Variants in SCUBE1 observed in about 807,000 individuals in gnomAD.
SCUBE1 encodes the protein signal peptide, CUB and EGF-like domain-containing protein 1.
In SCUBE1, 59 loss-of-function variants were observed where a neutral mutation model predicts 124.4. That is an observed-to-expected ratio of 0.47 (90% CI 0.38 to 0.59). SCUBE1 has a LOEUF of 0.59. Among genes scored for constraint, SCUBE1 ranks in the 20% least tolerant of loss-of-function variants. The pLI, the probability that SCUBE1 is intolerant of heterozygous loss-of-function variation, is 0.00. For missense variants in SCUBE1, 1,150 were observed against 1,371.2 expected, an observed-to-expected ratio of 0.84 and a Z score of 2.55; for synonymous variants, 545 against 550.9, an observed-to-expected ratio of 0.99 and a Z score of 0.15.
At chr22:43,338,720 T>C (rs1927167100) in intron 2 of SCUBE1, among the ~76,000 whole-genome samples, 2 of 152,120 alleles carry the variant, frequency 1.3e-5, no homozygotes, top group African/African-American at 2.4e-5. Context: ...GTATTTTCAG[T>C]AGAGATGGGG....
intron 2 of SCUBE1, among the ~76,000 whole-genome samples, chr22:43,337,693 C>A (rs1242586548): frequency 2.0e-5 from 3 of 152,234 alleles, no homozygotes; most frequent in Non-Finnish European, 4.4e-5. Flanking sequence ...ATCTGCCCAG[C>A]ACTCAGCCTT....
chr22:43,223,055 C>G (rs766015545), intron 11 of SCUBE1, 42 bp downstream of exon 11: 3 of 1,500,032 alleles, frequency 2.0e-6, no homozygotes, highest in Non-Finnish European at 2.7e-6. Flanking sequence ...GGAGGAAGAC[C>G]CCCCTGCCAC....
At chr22:43,316,647 C>A (rs907409413) in intron 3 of SCUBE1, among the ~76,000 whole-genome samples, 1 of 152,144 alleles carries the variant, frequency 6.6e-6, no homozygotes, top group Non-Finnish European at 1.5e-5. Context: ...GGGCTGCCTG[C>A]AGGTCTATGT....
At chr22:43,267,103 C>T (rs1361611780) in intron 4 of SCUBE1, among the ~76,000 whole-genome samples, 3 of 152,372 alleles carry the variant, frequency 2.0e-5, no homozygotes, top group African/African-American at 7.2e-5. Context: ...GCACTCCTAT[C>T]TGCCCTTGCT....
intron 6 of SCUBE1, among the ~76,000 whole-genome samples, chr22:43,240,301 G>A (rs1255707182): frequency 6.6e-6 from 1 of 152,146 alleles, no homozygotes; most frequent in African/African-American, 2.4e-5. Flanking sequence ...GCTGGGCATG[G>A]GTGGTTTTTA....
chr22:43,302,985 G>A (rs1270810574), intron 3 of SCUBE1, among the ~76,000 whole-genome samples: 1 of 152,158 alleles, frequency 6.6e-6, no homozygotes. Context: ...AAACTTCCCC[G>A]AACCAAGGAG....
intron 7 of SCUBE1, 100 bp from the exon 8 acceptor site, chr22:43,231,975 T>C: frequency 1.4e-6 from 2 of 1,441,554 alleles, no homozygotes; most frequent in Non-Finnish European, 1.9e-6. Flanking sequence ...GACACTGCCC[T>C]GAGTTGCCTG....
At position 43,198,497 on chromosome 22, in the gene SCUBE1, G is replaced by A. The variant is rs1047631001; in HGVS notation, c.*5500C>T. ...CTCCTGGAAGGGCCAGGGATCTGTG[G>A]GTGCTGTGGGGGCAGAGGCAGCCGC... On this transcript the variant is annotated 3_prime_UTR_variant, in exon 22 of 22. Coordinates refer to ENST00000360835, the MANE Select transcript of SCUBE1 (RefSeq NM_173050.5). 13 of 454,038 alleles carry A rather than the reference G, an allele frequency of 2.9e-5. No homozygotes were observed. Among genetic ancestry groups the A allele is most frequent in the Non-Finnish European group, 5.3e-5 (12 of 225,470 alleles). The allele number at this position is 454,038 out of a possible 1,614,324, so 28.1% of individuals were successfully genotyped here. A position where few individuals can be genotyped will look rare whatever the true frequency, so the allele number is the denominator to read the frequency against.
rs1350871210 is a variant in SCUBE1 at position 43,202,468 on chromosome 22, C to T, written c.*1529G>A. 1.3e-5 allele frequency: 2 copies of T among 152,198 alleles called. No homozygotes were observed. Among genetic ancestry groups the T allele is most frequent in the Non-Finnish European group, 2.9e-5 (2 of 68,034 alleles). The allele number at this position is 152,198 out of a possible 1,614,324, so 9.4% of individuals were successfully genotyped here. A position where few individuals can be genotyped will look rare whatever the true frequency, so the allele number is the denominator to read the frequency against. On this transcript the variant is annotated 3_prime_UTR_variant, in exon 22 of 22. Coordinates refer to ENST00000360835, the MANE Select transcript of SCUBE1 (RefSeq NM_173050.5). Reference sequence around the variant, plus strand: ...CATTTCCCATGCAGGTCCTACAGCTCGCAGGCAGATGAAGAGCAGGCAAGG... The same window carrying T: ...CATTTCCCATGCAGGTCCTACAGCTTGCAGGCAGATGAAGAGCAGGCAAGG...
intron 8 of SCUBE1, among the ~76,000 whole-genome samples, chr22:43,230,319 AG>A (rs1465872745): frequency 6.6e-6 from 1 of 152,056 alleles, no homozygotes; most frequent in Non-Finnish European, 1.5e-5. Flanking sequence ...GTGGAGCCCA[AG>A]GGGGACTGGG....
intron 4 of SCUBE1, among the ~76,000 whole-genome samples, chr22:43,290,237 T>TCTCTCCTCCAAGCACATGTGTCCTGGCC: frequency 1.3e-5 from 2 of 150,242 alleles, no homozygotes; most frequent in East Asian, 2.0e-4. Flanking sequence ...GTGTCCTGGC[T>TCTCTCCTCCAAGCACATGTGTCCTGGCC]CTCTCCTCCA....
intron 12 of SCUBE1, among the ~76,000 whole-genome samples, chr22:43,221,730 C>T (rs5996295): frequency 7.9e-5 from 12 of 152,340 alleles, no homozygotes; most frequent in African/African-American, 2.9e-4. Context: ...AAGAATCCTA[C>T]CACCACAGGT....
At chr22:43,251,041 TC>T (rs1387259000) in intron 6 of SCUBE1, among the ~76,000 whole-genome samples, 1 of 152,144 alleles carries the variant, frequency 6.6e-6, no homozygotes, top group African/African-American at 2.4e-5. Context: ...GATAGCTGCC[TC>T]CCAGGGCTGT....
rs553519467 is a variant in SCUBE1, at chr22:43,200,707, C to G, written c.*3290G>C. 1 of 152,438 alleles carries G rather than the reference C, an allele frequency of 6.6e-6. No individual in the cohort carries two copies. Among genetic ancestry groups the G allele is most frequent in the East Asian group, 1.9e-4 (1 of 5,180 alleles). 9.4% of individuals were successfully genotyped at this position (152,438 alleles called of 1,614,324 possible). On this transcript the variant is annotated 3_prime_UTR_variant, in exon 22 of 22. Transcript: ENST00000360835. ...CAAGTCACTCAGATGGTGTGGGAGGCCCAGTGGGGCTGCTGGCGACCTCGC... is the reference window on the plus strand; with the variant it reads ...CAAGTCACTCAGATGGTGTGGGAGGGCCAGTGGGGCTGCTGGCGACCTCGC...
chr22:43,278,739 G>GC (rs765445790), intron 4 of SCUBE1, among the ~76,000 whole-genome samples: 11 of 152,142 alleles, frequency 7.2e-5, no homozygotes, highest in South Asian at 2.1e-4. Context: ...CTGAAGTCCT[G>GC]CCCCCCCAGT....
chr22:43,205,400 C>A (rs1005911964), intron 21 of SCUBE1, among the ~76,000 whole-genome samples: 1 of 151,968 alleles, frequency 6.6e-6, no homozygotes, highest in Admixed American at 6.5e-5. Flanking sequence ...TGAGGCCTGG[C>A]GGAGGTCTGG....
chr22:43,238,544 T>C (rs1922862839), intron 7 of SCUBE1: 1 of 594,784 alleles, frequency 1.7e-6, no homozygotes, highest in Non-Finnish European at 3.0e-6. Context: ...CTGGCTTAAC[T>C]GTTTAACCCA....
chr22:43,226,899 G>A (rs1050657416), intron 10 of SCUBE1, among the ~76,000 whole-genome samples: 1 of 152,094 alleles, frequency 6.6e-6, no homozygotes, highest in Non-Finnish European at 1.5e-5. Flanking sequence ...GGCTTTCCAG[G>A]AGGCACTGCC....
chr22:43,225,938 T>C (rs1922286041), intron 10 of SCUBE1, among the ~76,000 whole-genome samples: 1 of 152,296 alleles, frequency 6.6e-6, no homozygotes. Context: ...AACAAGCTCT[T>C]TCCCAAAACT....
Sources: allele counts gnomAD v4.1 joint callset (sites outside exome capture counted in the v4.1 genomes callset), GRCh38; gene constraint gnomAD v4.1.1; transcripts MANE v1.5; gene names NCBI Gene and HGNC (gene_info 2026-07-23, HGNC 2026-07-21).